The following RAD51B variants were observed in gnomAD, a reference collection of about 807,000 sequenced individuals.
RAD51B encodes RAD51 paralog B, also known as DNA repair protein RAD51 homolog 2.
In RAD51B, 38 loss-of-function variants were observed where a neutral mutation model predicts 42.2. That is an observed-to-expected ratio of 0.90 (90% CI 0.70 to 1.18). The LOEUF (loss-of-function observed/expected upper bound fraction) is 1.18. RAD51B is among the 50% of genes most tolerant of loss of function. The pLI, the probability that RAD51B is intolerant of heterozygous loss-of-function variation, is 0.00. For missense variants in RAD51B, 373 were observed against 400.7 expected, an observed-to-expected ratio of 0.93 and a Z score of 0.59; for synonymous variants, 154 against 145.2, an observed-to-expected ratio of 1.06 and a Z score of -0.43.
chr14:68,423,191 T>C (rs2084752159), intron 9 of RAD51B, among the ~76,000 whole-genome samples: 2 of 152,198 alleles, frequency 1.3e-5, no homozygotes, highest in Admixed American at 1.3e-4. Flanking sequence ...GAACTGGGAT[T>C]ATGATCTGTG....
At chr14:67,884,719 C>A (rs1206288290) in intron 5 of RAD51B, among the ~76,000 whole-genome samples, 1 of 152,104 alleles carries the variant, frequency 6.6e-6, no homozygotes, top group Non-Finnish European at 1.5e-5. Context: ...CTCTTCACAC[C>A]TCTTTTGGTA....
intron 7 of RAD51B, among the ~76,000 whole-genome samples, chr14:67,917,671 G>A (rs188584922): frequency 6.6e-6 from 1 of 152,270 alleles, no homozygotes; most frequent in Non-Finnish European, 1.5e-5. Context: ...GAGACAACAG[G>A]ATTTCCTGAC....
chr14:68,583,708 C>T (rs1336594339), intron 10 of RAD51B, among the ~76,000 whole-genome samples: 1 of 152,174 alleles, frequency 6.6e-6, no homozygotes, highest in Non-Finnish European at 1.5e-5. Context: ...GCCCTCAAGC[C>T]ACCCCTGGTC....
chr14:68,088,060 T>C (rs2077028081), intron 7 of RAD51B, among the ~76,000 whole-genome samples: 1 of 142,608 alleles, frequency 7.0e-6, no homozygotes, highest in Non-Finnish European at 1.5e-5. Flanking sequence ...AAATAATAAC[T>C]ATTATTTACT....
intron 7 of RAD51B, among the ~76,000 whole-genome samples, chr14:68,137,355 G>A (rs1195165351): frequency 1.3e-5 from 2 of 152,136 alleles, no homozygotes; most frequent in South Asian, 2.1e-4. Flanking sequence ...TATTGCTATG[G>A]TAAGAAATTA....
chr14:68,352,107 T>C (rs1374789181), intron 8 of RAD51B, among the ~76,000 whole-genome samples: 1 of 152,188 alleles, frequency 6.6e-6, no homozygotes, highest in East Asian at 1.9e-4. Context: ...TGAAGAGGTC[T>C]GGGCTGGAGA....
At chr14:68,072,531 C>T (rs985387095) in intron 7 of RAD51B, among the ~76,000 whole-genome samples, 13 of 152,154 alleles carry the variant, frequency 8.5e-5, no homozygotes, top group South Asian at 8.3e-4. Flanking sequence ...GGTGCCCATG[C>T]GATTAAGAGT....
chr14:68,560,639 G>A (rs182144786), intron 10 of RAD51B, among the ~76,000 whole-genome samples: 8 of 152,280 alleles, frequency 5.3e-5, no homozygotes, highest in Admixed American at 5.2e-4. Flanking sequence ...GGGAGAGTGA[G>A]GCAGGAGAAT....
chr14:67,891,970 C>A (rs2043233137), intron 7 of RAD51B, among the ~76,000 whole-genome samples: 1 of 152,112 alleles, frequency 6.6e-6, no homozygotes, highest in Non-Finnish European at 1.5e-5. Flanking sequence ...GAATCCTAGA[C>A]CCTTGATGTA....
intron 10 of RAD51B, among the ~76,000 whole-genome samples, chr14:68,571,971 G>A (rs538102684): frequency 4.6e-5 from 7 of 152,254 alleles, no homozygotes; most frequent in East Asian, 1.9e-4. Flanking sequence ...ATTTTATTTC[G>A]TTGTCCATCA....
chr14:68,037,916 C>T (rs780986766), intron 7 of RAD51B, among the ~76,000 whole-genome samples: 16 of 152,176 alleles, frequency 1.1e-4, no homozygotes, highest in Admixed American at 3.9e-4. Flanking sequence ...GGCTTTGGTA[C>T]GTTATTCACA....
chr14:67,893,105 T>C (rs1006363644), intron 7 of RAD51B, among the ~76,000 whole-genome samples: 1 of 152,088 alleles, frequency 6.6e-6, no homozygotes, highest in East Asian at 1.9e-4. Flanking sequence ...CTAATAGATA[T>C]GTACAAGAGT....
chr14:68,545,466 A>AT (rs993602751), intron 10 of RAD51B: 21 of 420,134 alleles, frequency 5.0e-5, no homozygotes, highest in African/African-American at 8.2e-5. Context: ...TGTGCCAGGC[A>AT]TTTTTTTTCA....
chr14:68,421,644 C>G (rs1257232548), intron 9 of RAD51B: 4 of 1,429,396 alleles, frequency 2.8e-6, no homozygotes, highest in Non-Finnish European at 3.9e-6. Context: ...GAGGGGTGCT[C>G]TCCTGAGCTA....
chr14:68,090,015 G>A (rs1475231968), intron 7 of RAD51B, among the ~76,000 whole-genome samples: 1 of 152,096 alleles, frequency 6.6e-6, no homozygotes, highest in Non-Finnish European at 1.5e-5. Flanking sequence ...ATAAAAAACT[G>A]AGTTACATAT....
chr14:68,282,127 A>G (rs1213839278), intron 7 of RAD51B, among the ~76,000 whole-genome samples: 1 of 152,116 alleles, frequency 6.6e-6, no homozygotes, highest in East Asian at 1.9e-4. Context: ...GATTACAGGC[A>G]CGCACCACAA....
chr14:68,681,089 T>C (rs1893420637), intron 11 of RAD51B, among the ~76,000 whole-genome samples: 1 of 152,200 alleles, frequency 6.6e-6, no homozygotes, highest in South Asian at 2.1e-4. Flanking sequence ...TTTTTATTTT[T>C]GTCTGTCATG....
intron 10 of RAD51B, chr14:68,545,617 G>C: frequency 2.2e-6 from 1 of 456,112 alleles, no homozygotes; most frequent in Admixed American, 2.3e-5. Flanking sequence ...AGTTCCACCA[G>C]AGTAGAGGTA....
intron 5 of RAD51B, among the ~76,000 whole-genome samples, chr14:67,874,226 T>C (rs2042649285): frequency 6.6e-6 from 1 of 152,218 alleles, no homozygotes; most frequent in Non-Finnish European, 1.5e-5. Context: ...TTTACATGTC[T>C]TTTAGAAGAT....
Sources: allele counts gnomAD v4.1 joint callset (sites outside exome capture counted in the v4.1 genomes callset), GRCh38; gene constraint gnomAD v4.1.1; transcripts MANE v1.5; gene names NCBI Gene and HGNC (gene_info 2026-07-23, HGNC 2026-07-21).